WDPCP: variants seen among roughly 807,000 people sequenced by gnomAD.
The protein encoded by WDPCP is WD repeat containing planar cell polarity effector.
WDPCP carries 71 observed loss-of-function variants against 93.1 expected under a neutral mutation model. That is an observed-to-expected ratio of 0.76 (90% CI 0.63 to 0.93). The LOEUF (loss-of-function observed/expected upper bound fraction) is 0.93, where lower values mean the gene tolerates loss of function less well. Ranked by LOEUF, WDPCP falls within the 40% of genes least tolerant of loss-of-function variation. WDPCP has a pLI of 0.00. For missense variants in WDPCP, 844 were observed against 887.4 expected (o/e 0.95, Z 0.62); for synonymous variants, 315 against 315.0 (o/e 1.00, Z 0.00).
At chr2:63,776,655 C>CAAAAAAA (rs778768889) in intron 2 of WDPCP, among the ~76,000 whole-genome samples, 4 of 54,006 alleles carry the variant, frequency 7.4e-5, no homozygotes, top group Non-Finnish European at 9.7e-5. Flanking sequence ...GGCCCTGTCT[C>CAAAAAAA]AAAAAAAAAA....
At chr2:63,192,359 G>A (rs933934563) in intron 14 of WDPCP, among the ~76,000 whole-genome samples, 2 of 151,992 alleles carry the variant, frequency 1.3e-5, no homozygotes, top group Non-Finnish European at 2.9e-5. Flanking sequence ...AGACAAAAAA[G>A]AAAGAAGAGA....
intron 14 of WDPCP, among the ~76,000 whole-genome samples, chr2:63,193,086 A>G (rs1675162783): frequency 6.6e-6 from 1 of 152,234 alleles, no homozygotes; most frequent in African/African-American, 2.4e-5. Flanking sequence ...ATTGCACAAT[A>G]TATGGAAAAT....
intron 12 of WDPCP, among the ~76,000 whole-genome samples, chr2:63,328,468 C>T (rs1441808418): frequency 1.3e-5 from 2 of 152,158 alleles, no homozygotes; most frequent in African/African-American, 2.4e-5. Context: ...CCGGGAGGAA[C>T]AAACAACTCT....
intron 12 of WDPCP, among the ~76,000 whole-genome samples, chr2:63,343,103 C>T (rs542743661): frequency 3.9e-5 from 6 of 152,160 alleles, no homozygotes; most frequent in South Asian, 2.1e-4. Flanking sequence ...CTCCCAGGTT[C>T]GATTCTCCTG....
At chr2:63,520,436 T>C (rs977280021) in intron 1 of WDPCP, among the ~76,000 whole-genome samples, 3 of 152,110 alleles carry the variant, frequency 2.0e-5, no homozygotes, top group Non-Finnish European at 4.4e-5. Context: ...CAAATAGTCA[T>C]CAGATTCTCC....
At chr2:63,348,629 T>G (rs1689356146) in intron 12 of WDPCP, among the ~76,000 whole-genome samples, 1 of 151,226 alleles carries the variant, frequency 6.6e-6, no homozygotes, top group Admixed American at 6.6e-5. Flanking sequence ...TGGGTATTGA[T>G]GATATAATGT....
At chr2:63,387,781 C>A (rs183434546) in intron 10 of WDPCP, among the ~76,000 whole-genome samples, 3 of 152,176 alleles carry the variant, frequency 2.0e-5, no homozygotes, top group Admixed American at 1.3e-4. Flanking sequence ...CAAAGTTTCA[C>A]GATACAAAAC....
chr2:63,589,526 C>G, upstream of WDPCP: 1 of 811,744 alleles, frequency 1.2e-6, no homozygotes, highest in Non-Finnish European at 2.0e-6. Flanking sequence ...AGATTACGAT[C>G]TGCGTTTGCA....
chr2:63,589,474 T>C, upstream of WDPCP: 1 of 1,306,700 alleles, frequency 7.7e-7, no homozygotes, highest in Non-Finnish European at 1.1e-6. Context: ...ACAGGGACCT[T>C]GAAAGCAAAA....
intron 1 of WDPCP, among the ~76,000 whole-genome samples, chr2:63,576,573 T>C (rs946090632): frequency 3.9e-5 from 6 of 151,988 alleles, no homozygotes; most frequent in Non-Finnish European, 8.8e-5. Flanking sequence ...CCTTTTGGGG[T>C]TTTATGGAGG....
intron 12 of WDPCP, among the ~76,000 whole-genome samples, chr2:63,357,570 C>T (rs1690112251): frequency 6.6e-6 from 1 of 152,094 alleles, no homozygotes; most frequent in South Asian, 2.1e-4. Flanking sequence ...TACCATCTCA[C>T]AGTCAGAATG....
At chr2:63,652,392 C>T (rs532286902) in intron 2 of WDPCP, among the ~76,000 whole-genome samples, 2 of 152,304 alleles carry the variant, frequency 1.3e-5, no homozygotes, top group East Asian at 3.9e-4. Flanking sequence ...AACAGGAAAG[C>T]CCTCAGCTGA....
chr2:63,671,794 C>T (rs1710351337), intron 2 of WDPCP, among the ~76,000 whole-genome samples: 1 of 152,088 alleles, frequency 6.6e-6, no homozygotes, highest in African/African-American at 2.4e-5. Flanking sequence ...ACATAAAATC[C>T]CAGCTCTCAA....
At chr2:63,625,793 C>G (rs1320749521) in intron 3 of WDPCP, among the ~76,000 whole-genome samples, 1 of 152,164 alleles carries the variant, frequency 6.6e-6, no homozygotes, top group Admixed American at 6.5e-5. Context: ...ATGCTATCCC[C>G]ATCAAGCTAC....
intron 13 of WDPCP, among the ~76,000 whole-genome samples, chr2:63,274,481 G>A (rs1426140403): frequency 3.3e-5 from 5 of 151,916 alleles, no homozygotes; most frequent in Admixed American, 3.3e-4. Context: ...ATAAAGATCA[G>A]GACAGAACTA....
At position 63,372,655 on chromosome 2, in the gene WDPCP, A is replaced by C. The variant is rs114918050; in HGVS notation, c.1748+5731T>G. ...ACTTTGTTTGCTTAATCTATCAATT[A>C]CTAAATGAAAGGAGTTAAAATTCTT... On this transcript the variant is annotated intron_variant, in intron 12 of 17. Coordinates refer to ENST00000272321, the MANE Select transcript of WDPCP (RefSeq NM_015910.7). 1.2e-3 allele frequency among the ~76,000 whole-genome samples: 189 copies of C among 152,304 alleles called. 1 individual carries two copies. The highest frequency in any genetic ancestry group is 4.4e-3 in the African/African-American group (183 of 41,574).
At chr2:63,584,093 G>A (rs1042822651) in intron 1 of WDPCP, among the ~76,000 whole-genome samples, 6 of 152,236 alleles carry the variant, frequency 3.9e-5, no homozygotes, top group African/African-American at 1.2e-4. Context: ...CCAGGAAATC[G>A]CGGCTACAGT....
chr2:63,716,409 T>C (rs1206219174), intron 2 of WDPCP, among the ~76,000 whole-genome samples: 1 of 152,236 alleles, frequency 6.6e-6, no homozygotes, highest in Non-Finnish European at 1.5e-5. Context: ...TTAGTTCTTT[T>C]CTCTCACAAA....
intron 13 of WDPCP, among the ~76,000 whole-genome samples, chr2:63,266,727 A>ACAG (rs1382512786): frequency 1.3e-5 from 2 of 152,042 alleles, no homozygotes; most frequent in East Asian, 3.9e-4. Context: ...AATCATTTGA[A>ACAG]CTCGGGGGGT....
Sources: allele counts gnomAD v4.1 joint callset (sites outside exome capture counted in the v4.1 genomes callset), GRCh38; gene constraint gnomAD v4.1.1; transcripts MANE v1.5; gene names NCBI Gene and HGNC (gene_info 2026-07-23, HGNC 2026-07-21).